Variants in CACNA2D3 observed in about 807,000 individuals in gnomAD.
The protein encoded by CACNA2D3 is voltage-dependent calcium channel subunit alpha-2/delta-3.
In CACNA2D3, 60 loss-of-function variants were observed where a neutral mutation model predicts 160.6. That is an observed-to-expected ratio of 0.37 (90% CI 0.30 to 0.46). The LOEUF (loss-of-function observed/expected upper bound fraction) is 0.46. Ranked by LOEUF, CACNA2D3 falls within the 20% of genes least tolerant of loss-of-function variation. The pLI is 1.00. For missense variants in CACNA2D3, 1,205 were observed against 1,365.0 expected (o/e 0.88, Z 1.85); for synonymous variants, 558 against 492.9 (o/e 1.13, Z -1.75).
At chr3:54,755,034 C>T (rs143942826) in intron 12 of CACNA2D3, among the ~76,000 whole-genome samples, 2 of 152,328 alleles carry the variant, frequency 1.3e-5, no homozygotes, top group Admixed American at 6.5e-5. Flanking sequence ...GATAGACCTT[C>T]CGTACTATGG....
chr3:54,904,461 A>G (rs1260041075), intron 27 of CACNA2D3, among the ~76,000 whole-genome samples: 2 of 152,232 alleles, frequency 1.3e-5, no homozygotes, highest in Admixed American at 6.5e-5. Context: ...CAAATACAAG[A>G]TACTCAATCC....
At chr3:54,711,765 C>T (rs1700958557) in intron 11 of CACNA2D3, among the ~76,000 whole-genome samples, 1 of 152,218 alleles carries the variant, frequency 6.6e-6, no homozygotes, top group Non-Finnish European at 1.5e-5. Context: ...AGACAGTTGG[C>T]AGTACCTGCC....
At position 54,468,142 on chromosome 3, in the gene CACNA2D3, A is replaced by C. The variant is rs925191604; in HGVS notation, c.382-35350A>C. 3.5e-4 allele frequency among the ~76,000 whole-genome samples: 54 copies of C among 152,364 alleles called. 1 individual carries two copies. Among genetic ancestry groups the C allele is most frequent in the African/African-American group, 1.3e-3 (53 of 41,582 alleles). Reference sequence around the variant, plus strand: ...GCAGGTTCTCTTGGAGGTGGCTGGCAAGATGGCCAAATACAAACAACTCCA... The same window carrying C: ...GCAGGTTCTCTTGGAGGTGGCTGGCCAGATGGCCAAATACAAACAACTCCA... On this transcript the variant is annotated intron_variant, in intron 4 of 37. Coordinates refer to ENST00000474759, the MANE Select transcript of CACNA2D3 (RefSeq NM_018398.3).
At chr3:54,925,463 T>G (rs1700987823) in intron 27 of CACNA2D3, among the ~76,000 whole-genome samples, 1 of 152,184 alleles carries the variant, frequency 6.6e-6, no homozygotes, top group South Asian at 2.1e-4. Context: ...ATACTCTCAG[T>G]GTCTTCTGAT....
At chr3:54,497,314 A>G (rs1266920128) in intron 4 of CACNA2D3, among the ~76,000 whole-genome samples, 4 of 152,164 alleles carry the variant, frequency 2.6e-5, no homozygotes, top group African/African-American at 9.6e-5. Context: ...TTTGTAGTAT[A>G]CAGGCATTGC....
intron 2 of CACNA2D3, among the ~76,000 whole-genome samples, chr3:54,151,133 G>A (rs2107282886): frequency 6.6e-6 from 1 of 151,940 alleles, no homozygotes. Context: ...ATGAGTGGAT[G>A]GACAGATAGA....
At chr3:54,695,227 A>C (rs1289506374) in intron 11 of CACNA2D3, among the ~76,000 whole-genome samples, 2 of 152,170 alleles carry the variant, frequency 1.3e-5, no homozygotes, top group East Asian at 3.9e-4. Flanking sequence ...CATGTTGGCC[A>C]GGCTGGTCTT....
At chr3:54,817,854 T>G (rs1234161894) in intron 14 of CACNA2D3, among the ~76,000 whole-genome samples, 23 of 152,222 alleles carry the variant, frequency 1.5e-4, no homozygotes, top group Admixed American at 1.5e-3. Context: ...GTGACTTGGC[T>G]TGTGGTAATG....
intron 2 of CACNA2D3, among the ~76,000 whole-genome samples, chr3:54,253,404 C>A (rs2107427921): frequency 6.6e-6 from 1 of 152,220 alleles, no homozygotes; most frequent in South Asian, 2.1e-4. Context: ...AAAAGGGTAG[C>A]AGGCAGGTCA....
intron 31 of CACNA2D3, among the ~76,000 whole-genome samples, chr3:54,997,729 A>G (rs1702890104): frequency 6.6e-6 from 1 of 152,176 alleles, no homozygotes; most frequent in African/African-American, 2.4e-5. Context: ...CTCAAAAGAG[A>G]AAAGAAAAGG....
At chr3:54,413,400 A>ATATATATCTATATATATAGATATC (rs1172300013) in intron 4 of CACNA2D3, among the ~76,000 whole-genome samples, 3 of 146,866 alleles carry the variant, frequency 2.0e-5, no homozygotes, top group Non-Finnish European at 4.5e-5. Context: ...ATATATATCT[A>ATATATATCTATATATATAGATATC]TATATATCTA....
chr3:54,176,556 C>T (rs1227174804), intron 2 of CACNA2D3, among the ~76,000 whole-genome samples: 2 of 152,188 alleles, frequency 1.3e-5, no homozygotes, highest in Non-Finnish European at 2.9e-5. Context: ...GTATGCACAC[C>T]TGAGTTGTTC....
intron 4 of CACNA2D3, among the ~76,000 whole-genome samples, chr3:54,453,686 C>T (rs1298066162): frequency 6.6e-6 from 1 of 152,194 alleles, no homozygotes; most frequent in Non-Finnish European, 1.5e-5. Context: ...CTCTCAATTC[C>T]TTCTTCCTCT....
intron 13 of CACNA2D3, among the ~76,000 whole-genome samples, chr3:54,771,195 G>T (rs914251000): frequency 6.6e-6 from 1 of 152,150 alleles, no homozygotes; most frequent in Non-Finnish European, 1.5e-5. Flanking sequence ...TAATTGGTGT[G>T]TGAGCAGCTG....
intron 2 of CACNA2D3, among the ~76,000 whole-genome samples, chr3:54,144,899 C>T (rs1030804260): frequency 3.2e-4 from 48 of 152,236 alleles, no homozygotes; most frequent in Admixed American, 2.9e-3. Flanking sequence ...TATAGGAATT[C>T]GATTCATTTA....
At chr3:54,826,204 A>T (rs1703746615) in intron 14 of CACNA2D3, among the ~76,000 whole-genome samples, 1 of 152,168 alleles carries the variant, frequency 6.6e-6, no homozygotes, top group African/African-American at 2.4e-5. Context: ...TCACATCCCC[A>T]ATTAATGGAT....
chr3:54,293,027 A>G (rs1013119958), intron 2 of CACNA2D3, among the ~76,000 whole-genome samples: 1 of 152,230 alleles, frequency 6.6e-6, no homozygotes, highest in Non-Finnish European at 1.5e-5. Context: ...ATGCTACAAC[A>G]TGGATAAGCC....
chr3:54,604,667 G>A (rs1445147194), intron 9 of CACNA2D3, among the ~76,000 whole-genome samples: 1 of 152,100 alleles, frequency 6.6e-6, no homozygotes. Flanking sequence ...CCACTCCACT[G>A]CTCTCACCCT....
At chr3:54,646,782 A>C in intron 11 of CACNA2D3, among the ~76,000 whole-genome samples, 1 of 152,158 alleles carries the variant, frequency 6.6e-6, no homozygotes, top group African/African-American at 2.4e-5. Context: ...CAGTAATGGG[A>C]TTGCTGGGTC....
Sources: allele counts gnomAD v4.1 joint callset (sites outside exome capture counted in the v4.1 genomes callset), GRCh38; gene constraint gnomAD v4.1.1; transcripts MANE v1.5; gene names NCBI Gene and HGNC (gene_info 2026-07-23, HGNC 2026-07-21).